The following ADTRP variants were observed in gnomAD, a reference collection of about 807,000 sequenced individuals.
ADTRP encodes androgen-dependent TFPI-regulating protein.
In ADTRP, 20 loss-of-function variants were observed where a neutral mutation model predicts 27.0. The observed-to-expected ratio is 0.74, with a 90% confidence interval of 0.52 to 1.08. The LOEUF is 1.08. Ranked by LOEUF, ADTRP falls within the 50% of genes least tolerant of loss-of-function variation. The pLI is 0.00. For missense variants in ADTRP, 251 were observed against 275.0 expected, an observed-to-expected ratio of 0.91 and a Z score of 0.62; for synonymous variants, 101 against 105.2, an observed-to-expected ratio of 0.96 and a Z score of 0.25.
intron 4 of ADTRP, among the ~76,000 whole-genome samples, chr6:11,725,899 C>CAA (rs59048593): frequency 6.7e-5 from 6 of 89,926 alleles, no homozygotes; most frequent in Admixed American, 1.3e-4. Context: ...GACTCTATCT[C>CAA]AAAAAAAAAA....
At chr6:11,764,722 C>T (rs1208980375) in intron 3 of ADTRP, among the ~76,000 whole-genome samples, 1 of 151,960 alleles carries the variant, frequency 6.6e-6, no homozygotes, top group African/African-American at 2.4e-5. Flanking sequence ...AGCTGTGCCT[C>T]CTATGAGTTC....
chr6:11,729,725 C>G (rs1762325323), intron 4 of ADTRP, among the ~76,000 whole-genome samples: 1 of 152,130 alleles, frequency 6.6e-6, no homozygotes, highest in Non-Finnish European at 1.5e-5. Context: ...CTTAAAAATT[C>G]CAATGCTGAG....
chr6:11,739,943 C>T (rs187208137), intron 3 of ADTRP, among the ~76,000 whole-genome samples: 12 of 152,320 alleles, frequency 7.9e-5, no homozygotes, highest in African/African-American at 2.9e-4. Context: ...AAAAAAAATT[C>T]AGAGAGCCTA....
chr6:11,768,311 T>C lies in ADTRP; in HGVS notation c.226A>G (p.Ile76Val), dbSNP rs892794499. ...TCTCTGAAGGCAGTTAGGAACTTAA[T>C]GTCTTTTCCCCCTTTGGTTCTTTTC... ...VLKRTKGGKDIKFLTAFRDLL... is the reference protein window; with the variant it reads ...VLKRTKGGKDVKFLTAFRDLL... The change falls in exon 2 of 6, where the codon ATT becomes GTT. Residue 76 changes from isoleucine to valine, a missense_variant. Ile to Val is a conservative substitution (Grantham distance 29). Coordinates refer to ENST00000414691, the MANE Select transcript of ADTRP (RefSeq NM_032744.4). 6.2e-7 allele frequency: 1 copy of C among 1,614,246 alleles called. No homozygotes were observed. The highest frequency in any genetic ancestry group is 2.2e-5 in the East Asian group (1 of 44,890).
intron 3 of ADTRP, among the ~76,000 whole-genome samples, chr6:11,743,143 GCT>G (rs1354766826): frequency 6.6e-6 from 1 of 152,156 alleles, no homozygotes; most frequent in Non-Finnish European, 1.5e-5. Flanking sequence ...TGCACTCAAT[GCT>G]TCAGTGCTTA....
intron 4 of ADTRP, among the ~76,000 whole-genome samples, chr6:11,734,838 C>A (rs1490293261): frequency 6.6e-6 from 1 of 152,198 alleles, no homozygotes; most frequent in Non-Finnish European, 1.5e-5. Context: ...AGAGAAGGAA[C>A]ACTGATTAGC....
chr6:11,742,516 C>T (rs1362511568), intron 3 of ADTRP, among the ~76,000 whole-genome samples: 1 of 152,142 alleles, frequency 6.6e-6, no homozygotes, highest in East Asian at 1.9e-4. Context: ...TGTTCCCAGA[C>T]AGATAAAGTA....
At chr6:11,720,178 G>A (rs1216470888) in intron 5 of ADTRP, among the ~76,000 whole-genome samples, 3 of 152,188 alleles carry the variant, frequency 2.0e-5, no homozygotes, top group African/African-American at 7.2e-5. Context: ...CTCAGGCTGT[G>A]GAAGGAGGGA....
chr6:11,745,332 C>T (rs210926), intron 3 of ADTRP, among the ~76,000 whole-genome samples: 124,376 of 152,152 alleles, frequency 0.82, 51,009 homozygotes, highest in East Asian at 1. Context: ...AAATATCTCT[C>T]GAGAAGCAGT....
intron 1 of ADTRP, among the ~76,000 whole-genome samples, chr6:11,769,331 G>T (rs888737305): frequency 2.3e-4 from 35 of 152,108 alleles, no homozygotes; most frequent in African/African-American, 8.0e-4. Context: ...CTGGGCTGGG[G>T]ATTGATCAAG....
At chr6:11,724,474 G>A (rs559646444) in intron 4 of ADTRP, among the ~76,000 whole-genome samples, 3 of 152,260 alleles carry the variant, frequency 2.0e-5, no homozygotes, top group South Asian at 2.1e-4. Flanking sequence ...TCTGGAAGCC[G>A]AGAGAAGGAA....
chr6:11,755,697 C>T (rs1763194820), intron 3 of ADTRP, among the ~76,000 whole-genome samples: 1 of 152,226 alleles, frequency 6.6e-6, no homozygotes, highest in Non-Finnish European at 1.5e-5. Flanking sequence ...TTCTGACCTA[C>T]TCTAGGTTAG....
rs1206775374 is a variant in ADTRP, at chr6:11,713,904, A to G, written c.*574T>C. On this transcript the variant is annotated 3_prime_UTR_variant, in exon 6 of 6. Transcript: ENST00000414691. The stretch of plus-strand genomic sequence containing the variant: ...ATCTCCCTACATTTTTAGATCACTG[A>G]AAAAAATGGATGAGCAACCCATGAA... 1 of 152,224 alleles carries G rather than the reference A, an allele frequency of 6.6e-6. No homozygotes were observed. Among genetic ancestry groups the G allele is most frequent in the East Asian group, 1.9e-4 (1 of 5,212 alleles). The allele number at this position is 152,224 out of a possible 1,614,324, so 9.4% of individuals were successfully genotyped here. A position where few individuals can be genotyped will look rare whatever the true frequency, so the allele number is the denominator to read the frequency against.
chr6:11,756,896 G>A (rs1763230193), intron 3 of ADTRP, among the ~76,000 whole-genome samples: 1 of 152,168 alleles, frequency 6.6e-6, no homozygotes, highest in South Asian at 2.1e-4. Flanking sequence ...AGGCATTTCA[G>A]CTCTATGATT....
At chr6:11,755,320 T>A (rs1763181458) in intron 3 of ADTRP, among the ~76,000 whole-genome samples, 1 of 152,202 alleles carries the variant, frequency 6.6e-6, no homozygotes, top group South Asian at 2.1e-4. Context: ...AATCACTGAA[T>A]AATGGAATTT....
chr6:11,716,774 G>C (rs1761845275), intron 5 of ADTRP, among the ~76,000 whole-genome samples: 1 of 147,952 alleles, frequency 6.8e-6, no homozygotes, highest in Non-Finnish European at 1.5e-5. Flanking sequence ...GAAGGCAGTG[G>C]TGTGATCTTG....
chr6:11,777,960 C>T (rs1020600812), intron 1 of ADTRP, among the ~76,000 whole-genome samples: 1 of 152,218 alleles, frequency 6.6e-6, no homozygotes, highest in Non-Finnish European at 1.5e-5. Context: ...TTCTCCCATT[C>T]ATTCACACTT....
rs3830754 is a variant in ADTRP at position 11,777,246 on chromosome 6, T to TTGTG, written c.153+1357_153+1360dup. ...GCTAGAATTAAAAAGTCAGGATCAG[T>TTGTG]TGTGTGTGTGTGTGTGTGTGTATAC... is the stretch of plus-strand genomic sequence containing the variant. On this transcript the variant is annotated intron_variant, in intron 1 of 5. Transcript: ENST00000414691. Among the ~76,000 whole-genome samples, 858 of 150,748 alleles carry TTGTG rather than the reference T, an allele frequency of 5.7e-3. 9 individuals are homozygous for TTGTG. Among genetic ancestry groups the TTGTG allele is most frequent in the African/African-American group, 0.02 (823 of 41,120 alleles).
At chr6:11,769,399 AGCCACATGCT>A (rs987013772) in intron 1 of ADTRP, among the ~76,000 whole-genome samples, 12 of 152,286 alleles carry the variant, frequency 7.9e-5, no homozygotes, top group Admixed American at 5.9e-4. Flanking sequence ...TAGCAAAGTC[AGCCACATGCT>A]GCTCCTGGGC....
Sources: gnomAD v4.1 joint callset for allele counts (sites outside exome capture counted in the v4.1 genomes callset) on GRCh38, gnomAD v4.1.1 for gene constraint, MANE v1.5 for transcripts, NCBI Gene and HGNC (gene_info 2026-07-23, HGNC 2026-07-21) for gene names.